SYNJ2: variants seen among roughly 807,000 people sequenced by gnomAD.
The protein encoded by SYNJ2 is polyphosphatidylinositol phosphatase SYNJ2.
In SYNJ2, 116 loss-of-function variants were observed where a neutral mutation model predicts 141.3. The ratio of observed to expected loss-of-function variants is 0.82; its 90% CI spans 0.71 to 0.96. The LOEUF (loss-of-function observed/expected upper bound fraction) is 0.96. Among genes scored for constraint, SYNJ2 ranks in the 40% least tolerant of loss-of-function variants. The probability of loss-of-function intolerance (pLI) is 0.00; values close to 1 mark genes in which losing one functional copy is unlikely to be tolerated. For synonymous variants in SYNJ2, 745 were observed against 777.7 expected, an observed-to-expected ratio of 0.96 and a Z score of 0.70; for missense variants, 1,873 against 1,934.8, an observed-to-expected ratio of 0.97 and a Z score of 0.60.
chr6:157,981,782 TG>T (rs1347378171), upstream of SYNJ2: 14 of 471,326 alleles, frequency 3.0e-5, no homozygotes, highest in South Asian at 9.3e-4. The surrounding 1 kb of genome is among the most constrained non-coding windows in gnomAD (Gnocchi z 6.4). Flanking sequence ...TGCCCCAGGC[TG>T]GGGAGGCGCG....
chr6:158,040,539 A>T lies in SYNJ2; in HGVS notation c.712-2777A>T, dbSNP rs1452310387. Among the ~76,000 whole-genome samples, 1 of 152,120 alleles carries T rather than the reference A, an allele frequency of 6.6e-6. No individual in the cohort carries two copies. Among genetic ancestry groups the T allele is most frequent in the Non-Finnish European group, 1.5e-5 (1 of 68,032 alleles). On this transcript the variant is annotated intron_variant, in intron 4 of 26. Coordinates refer to ENST00000355585, the MANE Select transcript of SYNJ2 (RefSeq NM_003898.4). This position sits in a 1 kb window ranked among gnomAD's most constrained non-coding sequence, Gnocchi z 4.2. ...AAAAGTCCCCTCAGTCTATTAAAAA[A>T]AAAAAAGGATGTAAGATAAATATTT...
At chr6:158,080,792 G>A (rs893654541) in intron 18 of SYNJ2, among the ~76,000 whole-genome samples, 13 of 152,130 alleles carry the variant, frequency 8.5e-5, no homozygotes, top group African/African-American at 3.1e-4. Context: ...CCAAGTACTG[G>A]GATACATCTT....
chr6:158,073,059 G>A (rs1169603718), intron 15 of SYNJ2, among the ~76,000 whole-genome samples: 2 of 108,906 alleles, frequency 1.8e-5, no homozygotes, highest in Non-Finnish European at 3.6e-5. Flanking sequence ...AACAGAGCGA[G>A]ACTCTGTCTA....
At chr6:158,059,496 C>A in intron 7 of SYNJ2, 143 bp downstream of exon 7, 5 of 1,463,692 alleles carry the variant, frequency 3.4e-6, no homozygotes, top group Non-Finnish European at 4.5e-6. Context: ...AGCATTCCGA[C>A]CAGTGAACAC....
At position 158,021,519 on chromosome 6, in the gene SYNJ2, G is replaced by A. The variant is rs571809540; in HGVS notation, c.214+4229G>A. Among the ~76,000 whole-genome samples the A allele has an allele frequency of 4.6e-5, 7 of 152,320 alleles. No individual in the cohort carries two copies. The East Asian group carries it at 1.4e-3, about 29-fold the overall frequency. On this transcript the variant is annotated intron_variant, in intron 2 of 26. Transcript: ENST00000355585. Reference sequence around the variant, plus strand: ...GACGCTGCCACCACTGAGAAGCTCTGCTGTCTCTCCTCTGTCCCTGGGAGG... The same window carrying A: ...GACGCTGCCACCACTGAGAAGCTCTACTGTCTCTCCTCTGTCCCTGGGAGG...
At chr6:158,054,353 T>C (rs1014966652) in intron 5 of SYNJ2, among the ~76,000 whole-genome samples, 2 of 152,260 alleles carry the variant, frequency 1.3e-5, no homozygotes, top group African/African-American at 4.8e-5. Flanking sequence ...CATGAATTTC[T>C]ATTTTATTCA....
chr6:158,082,989 G>A (rs1380334479), intron 20 of SYNJ2, among the ~76,000 whole-genome samples: 1 of 152,004 alleles, frequency 6.6e-6, no homozygotes, highest in African/African-American at 2.4e-5. Context: ...CTAGAGTGCA[G>A]TGGTGCAATC....
intron 1 of SYNJ2, among the ~76,000 whole-genome samples, chr6:158,007,266 C>G (rs966009743): frequency 6.6e-6 from 1 of 152,238 alleles, no homozygotes. Flanking sequence ...CCACACCCGG[C>G]CCCATGATTG....
At chr6:158,008,681 G>A (rs894718315) in intron 1 of SYNJ2, among the ~76,000 whole-genome samples, 1 of 152,204 alleles carries the variant, frequency 6.6e-6, no homozygotes, top group African/African-American at 2.4e-5. Context: ...CAACTAAAAA[G>A]CACGTGTGTA....
Position 158,084,314 on chromosome 6 carries a change from C to A in SYNJ2, c.3208+140C>A. 2.1e-6 allele frequency: 2 copies of A among 936,808 alleles called. No individual in the cohort carries two copies. The highest frequency in any genetic ancestry group is 3.2e-6 in the Non-Finnish European group (2 of 632,652). The allele number at this position is 936,808 out of a possible 1,614,324, so 58.0% of individuals were successfully genotyped here. A position where few individuals can be genotyped will look rare whatever the true frequency, so the allele number is the denominator to read the frequency against. ...AGAGACCTCAACCAGGCAGGCCAAG[C>A]GAGGGGTAGGGACTGAGCCCTGTGG... On this transcript the variant is annotated intron_variant, in intron 22 of 26. Transcript: ENST00000355585. The surrounding 1 kb of genome is among the most constrained non-coding windows in gnomAD (Gnocchi z 5.0).
At chr6:158,049,893 CGGCTCTGCAGGTATGCATGT>C (rs1421810918) in intron 5 of SYNJ2, among the ~76,000 whole-genome samples, 5 of 149,682 alleles carry the variant, frequency 3.3e-5, no homozygotes, top group South Asian at 2.1e-4. Flanking sequence ...GGTATGCCTG[CGGCTCTGCAGGTATGCATGT>C]GGCTCTGCAG....
rs373635531 is a variant in SYNJ2, at chr6:158,074,668, T to G, written c.2222T>G (p.Phe741Cys). ...CTTACTTATGAAGAAGTCTTCTATT[T>G]TGTTAAACGCCAAGACTGGAAGAAA... The part of the protein sequence containing the change: ...IDLTYEEVFY[F>C]VKRQDWKKLL... The change falls in exon 16 of 27, where the codon TTT (phenylalanine) becomes TGT (cysteine). Residue 741 changes from phenylalanine to cysteine, a missense_variant. Phe to Cys is a radical substitution (Grantham distance 205). Coordinates refer to ENST00000355585, the MANE Select transcript of SYNJ2 (RefSeq NM_003898.4). 1.2e-4 allele frequency: 194 copies of G among 1,614,154 alleles called. 1 individual carries two copies. In the South Asian group the frequency reaches 2.0e-3, roughly 17 times the overall value.
At chr6:158,066,192 G>T (rs1781551031) in intron 11 of SYNJ2, among the ~76,000 whole-genome samples, 1 of 152,156 alleles carries the variant, frequency 6.6e-6, no homozygotes, top group Admixed American at 6.5e-5. Context: ...TCTGGCTTCA[G>T]TTGGGGGTAG....
rs775765108 is a variant in SYNJ2, at chr6:158,033,640, A to G, written c.671A>G (p.Asn224Ser). ...ACTCGCTTCCACACCCGTGGCGTGA[A>G]CGACGACGGCCATGTGTCCAACTTC... The part of the protein sequence containing the change: ...TGTRFHTRGV[N>S]DDGHVSNFVE... The change falls in exon 4 of 27, where the codon AAC becomes AGC. Residue 224 changes from asparagine (N) to serine (S), a missense_variant. Physicochemically the swap from Asn to Ser is conservative, Grantham distance 46. Transcript: ENST00000355585. The G allele has an allele frequency of 1.2e-6, 2 of 1,612,382 alleles. No individual in the cohort carries two copies. Among genetic ancestry groups the G allele is most frequent in the African/African-American group, 2.7e-5 (2 of 75,070 alleles).
At chr6:158,059,933 A>G (rs1333690116) in intron 7 of SYNJ2, among the ~76,000 whole-genome samples, 2 of 152,144 alleles carry the variant, frequency 1.3e-5, no homozygotes, top group Non-Finnish European at 2.9e-5. Context: ...GTCCCCAGCC[A>G]TGTGTCCCTT....
At chr6:157,986,952 A>C (rs1209648636) in intron 1 of SYNJ2, among the ~76,000 whole-genome samples, 5 of 151,778 alleles carry the variant, frequency 3.3e-5, no homozygotes, top group Non-Finnish European at 7.4e-5. Context: ...ATTTAGATAT[A>C]GAAGTTCAAT....
rs780283439 is a variant in SYNJ2 at position 158,095,823 on chromosome 6, C to G, written c.3950C>G (p.Ala1317Gly). The G allele has an allele frequency of 1.9e-6, 3 of 1,614,028 alleles. No individual in the cohort carries two copies. In the East Asian group the frequency reaches 6.7e-5, roughly 36 times the overall value. The stretch of plus-strand genomic sequence containing the variant: ...GACGAAGCCCCTCCTGGGGCAGGAG[C>G]CTCTGTGCCACCACCTCTGGAGGCG... ...ASDEAPPGAG[A>G]SVPPPLEAPP... is the part of the protein sequence containing the mutation. Residue 1317 changes from alanine to glycine, a missense_variant, in exon 27 of 27, where the codon GCC becomes GGC. By Grantham distance (60) the Ala-to-Gly change is moderately conservative. Transcript: ENST00000355585.
intron 1 of SYNJ2, among the ~76,000 whole-genome samples, chr6:157,985,968 G>A (rs577654103): frequency 2.0e-5 from 3 of 152,198 alleles, no homozygotes; most frequent in South Asian, 2.1e-4. Flanking sequence ...GCCACGTCTC[G>A]AGTTTAGCTT....
At position 158,078,240 on chromosome 6, in the gene SYNJ2, G is replaced by C. The variant is rs757445682; in HGVS notation, c.2526G>C (p.Leu842=). ...KVRHTWSPGA[L]QYYGRAELQA... ...GACACACCTGGTCTCCTGGTGCCCT[G>C]CAGTATTATGGTCGTGCGGAGCTAC... Residue 842 remains leucine (L), a synonymous_variant, in exon 18 of 27, where the codon CTG becomes CTC. Transcript: ENST00000355585. 1.9e-6 allele frequency: 3 copies of C among 1,614,022 alleles called. No homozygotes were observed. Among genetic ancestry groups the C allele is most frequent in the Non-Finnish European group, 2.5e-6 (3 of 1,179,902 alleles).
Sources: allele counts gnomAD v4.1 joint callset (sites outside exome capture counted in the v4.1 genomes callset), GRCh38; gene constraint gnomAD v4.1.1; non-coding constraint Gnocchi (gnomAD v3.1); transcripts MANE v1.5; gene names NCBI Gene and HGNC (gene_info 2026-07-23, HGNC 2026-07-21).